The following PCDHGB1 variants were observed in gnomAD, a reference collection of about 807,000 sequenced individuals.
PCDHGB1 encodes protocadherin gamma-B1.
A neutral mutation model predicts 56.6 loss-of-function variants in PCDHGB1; 34 were observed. That is an observed-to-expected ratio of 0.60 (90% CI 0.46 to 0.80). PCDHGB1 has a LOEUF of 0.80. Among genes scored for constraint, PCDHGB1 ranks in the 30% least tolerant of loss-of-function variants. PCDHGB1 has a pLI of 0.00. For missense variants in PCDHGB1, 1,278 were observed against 1,204.6 expected (o/e 1.06, Z -0.90); for synonymous variants, 561 against 505.9 (o/e 1.11, Z -1.46).
intron 1 of PCDHGB1, chr5:141,370,244 A>G: frequency 1.6e-6 from 1 of 633,826 alleles, no homozygotes; most frequent in Non-Finnish European, 2.6e-6. Context: ...AGAAAAGTGC[A>G]CTCTCTATCA....
intron 1 of PCDHGB1, chr5:141,426,760 C>T (rs935248232): frequency 4.4e-6 from 2 of 456,284 alleles, no homozygotes; most frequent in African/African-American, 4.0e-5. Context: ...GCTATAGATG[C>T]AGATGTAGGG....
intron 1 of PCDHGB1, among the ~76,000 whole-genome samples, chr5:141,401,937 T>A (rs531669581): frequency 2.6e-5 from 4 of 152,356 alleles, no homozygotes; most frequent in African/African-American, 7.2e-5. Flanking sequence ...TAGAATAATG[T>A]TTAAGACCAC....
intron 1 of PCDHGB1, chr5:141,371,616 G>A: frequency 6.2e-7 from 1 of 1,614,012 alleles, no homozygotes; most frequent in Non-Finnish European, 8.5e-7. Flanking sequence ...GGTGACAGAT[G>A]GAGCCCTGGA....
rs369551410 is a variant in PCDHGB1, at chr5:141,415,294, G to A, written c.2409+62625G>A. ...GGTAGCGGTGGCCGCGGTCTCCTGC[G>A]TCTTCCTGGCCTTCGTCATCGTGCT... On this transcript the variant is annotated intron_variant, in intron 1 of 3. Transcript: ENST00000523390. 10 of 1,614,050 alleles carry A rather than the reference G, an allele frequency of 6.2e-6. No homozygotes were observed. In the African/African-American group the frequency reaches 1.1e-4, roughly 17 times the overall value.
At chr5:141,405,880 G>T (rs2094729430) in intron 1 of PCDHGB1, among the ~76,000 whole-genome samples, 1 of 152,110 alleles carries the variant, frequency 6.6e-6, no homozygotes, top group Non-Finnish European at 1.5e-5. Flanking sequence ...GGGCCTAATT[G>T]TTGCTCCAAC....
intron 1 of PCDHGB1, chr5:141,420,319 G>A (rs1393746531): frequency 7.0e-7 from 1 of 1,437,540 alleles, no homozygotes; most frequent in Non-Finnish European, 9.4e-7. Flanking sequence ...ATTACAATAT[G>A]CCAATATATT....
chr5:141,365,539 C>T, intron 1 of PCDHGB1: 1 of 1,613,718 alleles, frequency 6.2e-7, no homozygotes, highest in Non-Finnish European at 8.5e-7. Flanking sequence ...ATTACTATCA[C>T]CTATTAACAA....
intron 1 of PCDHGB1, chr5:141,427,734 C>A (rs2097062807): frequency 1.7e-6 from 2 of 1,207,418 alleles, no homozygotes; most frequent in Non-Finnish European, 2.4e-6. Flanking sequence ...GCTGAATGGC[C>A]AAGTCTCCTA....
Position 141,489,606 on chromosome 5 carries a change from G to A in PCDHGB1, c.2410-5201G>A. The stretch of plus-strand genomic sequence containing the variant: ...TGGAGCTAATCCGTGTAGAGGTAGA[G>A]ATCCTGGATCTCAATGACAACTCTC... On this transcript the variant is annotated intron_variant, in intron 1 of 3. Coordinates refer to ENST00000523390, the MANE Select transcript of PCDHGB1 (RefSeq NM_018922.3). This position sits in a 1 kb window ranked among gnomAD's most constrained non-coding sequence, Gnocchi z 4.5. The A allele has an allele frequency of 6.2e-7, 1 of 1,614,110 alleles. No homozygotes were observed.
At chr5:141,464,931 G>T (rs2099093694) in intron 1 of PCDHGB1, among the ~76,000 whole-genome samples, 1 of 151,942 alleles carries the variant, frequency 6.6e-6, no homozygotes, top group Non-Finnish European at 1.5e-5. Context: ...GTAGAGATGT[G>T]AGGTCTCACT....
At chr5:141,385,492 A>T in intron 1 of PCDHGB1, 15 of 1,394,884 alleles carry the variant, frequency 1.1e-5, no homozygotes, top group Non-Finnish European at 1.4e-5. Flanking sequence ...AACACATAGG[A>T]TATAGTATTT....
At chr5:141,365,961 G>T in intron 1 of PCDHGB1, 1 of 1,614,244 alleles carries the variant, frequency 6.2e-7, no homozygotes, top group Non-Finnish European at 8.5e-7. Context: ...CCACTTAGCA[G>T]CAACGTGTCG....
At position 141,350,802 on chromosome 5, in the gene PCDHGB1, A is replaced by G; in HGVS notation, c.542A>G (p.Glu181Gly). 2 of 1,614,024 alleles carry G rather than the reference A, an allele frequency of 1.2e-6. No individual in the cohort carries two copies. Among genetic ancestry groups the G allele is most frequent in the Non-Finnish European group, 1.7e-6 (2 of 1,179,884 alleles). ...PNQYFSLSTK[E>G]SPDGSKYPVL... ...CAATACTTCTCTCTGTCAACGAAGG[A>G]AAGTCCTGATGGAAGTAAATATCCG... is the stretch of plus-strand genomic sequence containing the variant. The change falls in exon 1 of 4, where the codon GAA (glutamate) becomes GGA (glycine). Residue 181 changes from glutamate to glycine, a missense_variant. Glu to Gly is a moderately conservative substitution (Grantham distance 98). Transcript: ENST00000523390.
intron 1 of PCDHGB1, chr5:141,361,737 C>A: frequency 1.2e-6 from 2 of 1,613,162 alleles, no homozygotes; most frequent in Non-Finnish European, 1.7e-6. Context: ...CACTGCAGGC[C>A]CGCGACCAGG....
intron 1 of PCDHGB1, chr5:141,404,062 T>G: frequency 6.2e-7 from 1 of 1,613,906 alleles, no homozygotes; most frequent in African/African-American, 1.3e-5. Flanking sequence ...TTCTTTTCAA[T>G]GCTCATGACC....
chr5:141,385,164 T>C (rs758100484), intron 1 of PCDHGB1: 3 of 1,614,168 alleles, frequency 1.9e-6, no homozygotes, highest in Middle Eastern at 1.6e-4. Flanking sequence ...CCTATTCCCA[T>C]GAGGTCTCCC....
At position 141,393,784 on chromosome 5, in the gene PCDHGB1, T is replaced by A. The variant is rs1554094164; in HGVS notation, c.2409+41115T>A. 3 of 1,613,864 alleles carry A rather than the reference T, an allele frequency of 1.9e-6. No homozygotes were observed. The South Asian group carries it at 3.3e-5, about 18-fold the overall frequency. ...GAAATGGAAATACAAGCCGAAGATG[T>A]GGGGGCACTTCTGGGGAGGACCAAA... On this transcript the variant is annotated intron_variant, in intron 1 of 3. Coordinates refer to ENST00000523390, the MANE Select transcript of PCDHGB1 (RefSeq NM_018922.3).
At chr5:141,418,912 ACT>A (rs1457793463) in intron 1 of PCDHGB1, 2 of 1,613,770 alleles carry the variant, frequency 1.2e-6, no homozygotes, top group Non-Finnish European at 1.7e-6. Flanking sequence ...TCATCACGTC[ACT>A]CTCTGATCAG....
chr5:141,362,299 G>C (rs781560478), intron 1 of PCDHGB1: 3 of 1,614,078 alleles, frequency 1.9e-6, no homozygotes, highest in Non-Finnish European at 2.5e-6. Context: ...TTCCAGGTCA[G>C]ATGCTTGGGA....
Sources: allele counts gnomAD v4.1 joint callset (sites outside exome capture counted in the v4.1 genomes callset), GRCh38; gene constraint gnomAD v4.1.1; non-coding constraint Gnocchi (gnomAD v3.1); transcripts MANE v1.5; gene names NCBI Gene and HGNC (gene_info 2026-07-23, HGNC 2026-07-21).